RIF1: variants seen among roughly 807,000 people sequenced by gnomAD.
RIF1 encodes telomere-associated protein RIF1.
A neutral mutation model predicts 247.1 loss-of-function variants in RIF1; 45 were observed. That is an observed-to-expected ratio of 0.18 (90% CI 0.14 to 0.23). The LOEUF (loss-of-function observed/expected upper bound fraction) is 0.23, where lower values mean the gene tolerates loss of function less well. Ranked by LOEUF, RIF1 falls within the 10% of genes least tolerant of loss-of-function variation. RIF1 has a pLI of 1.00. For missense variants in RIF1, 2,967 were observed against 2,862.5 expected (o/e 1.04, Z -0.83); for synonymous variants, 1,087 against 978.8 (o/e 1.11, Z -2.06).
At position 151,464,895 on chromosome 2, in the gene RIF1, A is replaced by C; in HGVS notation, c.5375A>C (p.His1792Pro). ...GAAGGACAATTTTTAGATGAACATC[A>C]TAGTGTGAATTTTCATTTGGGTCTC... ...YSEGQFLDEH[H>P]SVNFHLGLKE... The change falls in exon 30 of 36, where the codon CAT becomes CCT. Residue 1792 changes from histidine to proline, a missense_variant. By Grantham distance (77) the His-to-Pro change is moderately conservative. Transcript: ENST00000444746. The C allele has an allele frequency of 6.3e-7, 1 of 1,584,166 alleles. No individual in the cohort carries two copies. The highest frequency in any genetic ancestry group is 8.5e-7 in the Non-Finnish European group (1 of 1,170,728).
the RIF1 span, chr2:151,524,509 C>T: frequency 2.1e-5 from 34 of 1,613,734 alleles, no homozygotes; most frequent in Non-Finnish European, 2.8e-5. Context: ...TTCATGACAC[C>T]CTTACCTCAC....
At chr2:151,531,649 T>G in the RIF1 span, 2 of 679,988 alleles carry the variant, frequency 2.9e-6, no homozygotes, top group Non-Finnish European at 5.3e-6. Flanking sequence ...GAGAATCCTG[T>G]GCATAACAGG....
intron 8 of RIF1, among the ~76,000 whole-genome samples, chr2:151,427,052 C>T (rs745842413): frequency 1.1e-4 from 17 of 151,828 alleles, no homozygotes; most frequent in Non-Finnish European, 2.2e-4. Context: ...TTATAGCTAA[C>T]TTGTGTGTTT....
intron 7 of RIF1, among the ~76,000 whole-genome samples, chr2:151,422,562 C>T (rs945845630): frequency 6.6e-5 from 10 of 151,390 alleles, no homozygotes; most frequent in African/African-American, 2.2e-4. Flanking sequence ...GACAGTGGCA[C>T]GATTTCTGCT....
At chr2:151,524,309 AC>A in the RIF1 span, 1 of 1,612,902 alleles carries the variant, frequency 6.2e-7, no homozygotes, top group Admixed American at 1.7e-5. Context: ...CATCTGCATT[AC>A]CTGGCTGCTC....
intron 26 of RIF1, among the ~76,000 whole-genome samples, 197 bp from the exon 27 acceptor site, chr2:151,460,941 C>G (rs1318736790): frequency 1.3e-5 from 2 of 152,202 alleles, no homozygotes; most frequent in Non-Finnish European, 2.9e-5. Context: ...AGGTTTAATA[C>G]TGTCTACTTT....
rs538804148 is a variant in RIF1, at chr2:151,468,402, A to G, written c.6748-72A>G. ...ACTTTTAAAGAAATGATTGCAGTCT[A>G]AGTTGTAAAAATTGTGAAATTATAG... On this transcript the variant is annotated intron_variant, in intron 31 of 35. Transcript: ENST00000444746. The G allele has an allele frequency of 3.3e-6, 4 of 1,225,818 alleles. No individual in the cohort carries two copies. The African/African-American group carries it at 6.0e-5, about 19-fold the overall frequency. 75.9% of individuals were successfully genotyped at this position (1,225,818 alleles called of 1,614,324 possible).
chr2:151,494,308 C>CA (rs1574804376), intron 9 of RIF1: 1 of 1,209,138 alleles, frequency 8.3e-7, no homozygotes, highest in East Asian at 2.5e-5. Flanking sequence ...TAACAGTTAC[C>CA]AAAAAAGGAA....
the RIF1 span, chr2:151,513,656 C>T: frequency 3.1e-6 from 5 of 1,608,456 alleles, no homozygotes; most frequent in Non-Finnish European, 4.2e-6. Flanking sequence ...CAGGCCTCTT[C>T]CTTTGACTTC....
At chr2:151,527,355 C>T in the RIF1 span, 2 of 818,364 alleles carry the variant, frequency 2.4e-6, no homozygotes, top group Admixed American at 5.5e-5. Flanking sequence ...AACCATCCTC[C>T]TCTCCTTCTC....
At chr2:151,426,385 A>C (rs1276474141) in intron 8 of RIF1, among the ~76,000 whole-genome samples, 2 of 151,550 alleles carry the variant, frequency 1.3e-5, no homozygotes, top group Non-Finnish European at 2.9e-5. Context: ...CATATTGGCC[A>C]GGCTGGTCTC....
rs1244571324 is a variant in RIF1, at chr2:151,468,004, G to A, written c.6605G>A (p.Arg2202His). The A allele has an allele frequency of 9.4e-6, 15 of 1,602,640 alleles. No individual in the cohort carries two copies. The highest frequency in any genetic ancestry group is 3.4e-5 in the South Asian group (3 of 88,108). The change falls in exon 31 of 36, where the codon CGC becomes CAC. Residue 2202 changes from arginine to histidine, a missense_variant. Physicochemically the swap from Arg to His is conservative, Grantham distance 29. Coordinates refer to ENST00000444746, the MANE Select transcript of RIF1 (RefSeq NM_018151.5). ...DEISSPVNKV[R>H]RVSFADPIYQ... ...AATCCTGACCTGTGTTTTCAGGTTC[G>A]CCGTGTCTCCTTTGCAGATCCAATA... is the stretch of plus-strand genomic sequence containing the variant.
In RIF1 at chr2:151,467,099, C is replaced by T. The variant is rs181190250; in HGVS notation, c.6601-901C>T. Among the ~76,000 whole-genome samples, 4 of 152,002 alleles carry T rather than the reference C, an allele frequency of 2.6e-5. No individual in the cohort carries two copies. The East Asian group carries it at 7.8e-4, about 30-fold the overall frequency. On this transcript the variant is annotated intron_variant, in intron 30 of 35. Transcript: ENST00000444746. Reference sequence around the variant, plus strand: ...CAAAAATTAGCTGGGCCTGGTGGCGCACACCTGTAGTTACAGCTACTCAGG... The same window carrying T: ...CAAAAATTAGCTGGGCCTGGTGGCGTACACCTGTAGTTACAGCTACTCAGG...
Position 151,497,759 on chromosome 2 carries a change from A to G in RIF1, c.*514-1586A>G, listed in dbSNP as rs767236625. 3.9e-6 allele frequency: 6 copies of G among 1,552,346 alleles called. No homozygotes were observed. In the Middle Eastern group the frequency reaches 5.0e-4, roughly 130 times the overall value. Reference sequence around the variant, plus strand: ...GCATCCAGAAAAACAACCATGAGTAACATTTCATTTCTTGGGACTTTTTAA... The same window carrying G: ...GCATCCAGAAAAACAACCATGAGTAGCATTTCATTTCTTGGGACTTTTTAA... On this transcript the variant is annotated intron_variant and NMD_transcript_variant, in intron 10 of 13. Coordinates refer to the RIF1 transcript ENST00000454583.
chr2:151,411,442 G>T (rs1573822418), intron 3 of RIF1, 104 bp downstream of exon 3: 1 of 694,882 alleles, frequency 1.4e-6, no homozygotes, highest in Non-Finnish European at 2.5e-6. Flanking sequence ...TGTTGCCCAG[G>T]CGAGAGTGCA....
At chr2:151,524,781 C>T in the RIF1 span, among the ~76,000 whole-genome samples, 1 of 147,498 alleles carries the variant, frequency 6.8e-6, no homozygotes, top group South Asian at 2.1e-4. Flanking sequence ...ATTCTTCTGC[C>T]TCAGCCTCCC....
At chr2:151,430,492 T>C (rs1415706034) in intron 9 of RIF1, among the ~76,000 whole-genome samples, 1 of 152,058 alleles carries the variant, frequency 6.6e-6, no homozygotes, top group Admixed American at 6.6e-5. Flanking sequence ...TGGCTAATTT[T>C]TGTATTTTCA....
intron 35 of RIF1, 37 bp from the exon 36 acceptor site, chr2:151,474,820 G>T (rs1187369581): frequency 8.4e-7 from 1 of 1,196,928 alleles, no homozygotes; most frequent in Non-Finnish European, 1.2e-6. Flanking sequence ...TTTTTGTCTG[G>T]TATAGATTTA....
chr2:151,527,390 C>T, the RIF1 span: 2 of 1,060,456 alleles, frequency 1.9e-6, no homozygotes, highest in Non-Finnish European at 2.8e-6. Context: ...CAAGGGTTAA[C>T]ACTCATGATA....
Sources: allele counts gnomAD v4.1 joint callset (sites outside exome capture counted in the v4.1 genomes callset), GRCh38; gene constraint gnomAD v4.1.1; transcripts MANE v1.5; gene names NCBI Gene and HGNC (gene_info 2026-07-23, HGNC 2026-07-21).